The following ADCY10 variants were observed in gnomAD, a reference collection of about 807,000 sequenced individuals.
ADCY10 encodes the protein adenylate cyclase 10.
A neutral mutation model predicts 183.3 loss-of-function variants in ADCY10; 156 were observed. The ratio of observed to expected loss-of-function variants is 0.85; its 90% CI spans 0.75 to 0.97. The LOEUF is 0.97. Among genes scored for constraint, ADCY10 ranks in the 50% least tolerant of loss-of-function variants. The pLI is 0.00. For synonymous variants in ADCY10, 645 were observed against 670.0 expected, an observed-to-expected ratio of 0.96 and a Z score of 0.58; for missense variants, 1,745 against 1,934.3, an observed-to-expected ratio of 0.90 and a Z score of 1.84.
intron 14 of ADCY10, among the ~76,000 whole-genome samples, chr1:167,865,810 G>T (rs1666636749): frequency 6.6e-6 from 1 of 152,212 alleles, no homozygotes; most frequent in South Asian, 2.1e-4. Flanking sequence ...CACATGGCAG[G>T]CCAGAGGCCC....
intron 9 of ADCY10, among the ~76,000 whole-genome samples, chr1:167,882,356 A>C (rs1667920673): frequency 6.6e-6 from 1 of 151,952 alleles, no homozygotes; most frequent in Non-Finnish European, 1.5e-5. Flanking sequence ...GTGGTGGCGC[A>C]TGCCTGTAAT....
intron 25 of ADCY10, among the ~76,000 whole-genome samples, chr1:167,830,632 G>A (rs1663651585): frequency 6.6e-6 from 1 of 152,186 alleles, no homozygotes; most frequent in Non-Finnish European, 1.5e-5. Context: ...GACCTCAGGT[G>A]ATCCGCCTGC....
intron 13 of ADCY10, among the ~76,000 whole-genome samples, chr1:167,874,633 G>A (rs1667326226): frequency 6.6e-6 from 1 of 152,140 alleles, no homozygotes; most frequent in Non-Finnish European, 1.5e-5. Context: ...CAACAGAAAT[G>A]CATACATGCA....
intron 28 of ADCY10, among the ~76,000 whole-genome samples, chr1:167,823,982 G>A (rs140934167): frequency 1.4e-4 from 22 of 152,280 alleles, no homozygotes; most frequent in African/African-American, 5.1e-4. Flanking sequence ...ACTGGCCAGA[G>A]CAACCAGATT....
chr1:167,833,299 G>T, intron 24 of ADCY10, 137 bp from the exon 25 acceptor site: 1 of 808,524 alleles, frequency 1.2e-6, no homozygotes, highest in Non-Finnish European at 2.1e-6. Flanking sequence ...ATCTTCCTGT[G>T]CCTGGCATAA....
intron 22 of ADCY10, chr1:167,836,916 T>G (rs1305709024): frequency 5.5e-6 from 2 of 360,830 alleles, no homozygotes; most frequent in African/African-American, 4.2e-5. Flanking sequence ...TCCCAGTTAT[T>G]CAGGAGGCTG....
chr1:167,874,914 C>T (rs1667347812), intron 13 of ADCY10, among the ~76,000 whole-genome samples: 2 of 152,090 alleles, frequency 1.3e-5, no homozygotes, highest in African/African-American at 4.8e-5. Flanking sequence ...ATTTTTTAAA[C>T]AGGCATAAGT....
At chr1:167,836,708 G>A (rs1364828060) in intron 22 of ADCY10, among the ~76,000 whole-genome samples, 168 bp from the exon 23 acceptor site, 1 of 152,024 alleles carries the variant, frequency 6.6e-6, no homozygotes, top group Admixed American at 6.6e-5. Flanking sequence ...TGGCCAACCT[G>A]GTGAAACCCC....
chr1:167,911,565 G>A (rs967139187), intron 1 of ADCY10, among the ~76,000 whole-genome samples: 1 of 152,144 alleles, frequency 6.6e-6, no homozygotes, highest in African/African-American at 2.4e-5. Context: ...TAGCCGATCG[G>A]GACAAATACA....
chr1:167,818,620 C>A (rs185977725), intron 30 of ADCY10, among the ~76,000 whole-genome samples: 2 of 152,296 alleles, frequency 1.3e-5, no homozygotes, highest in African/African-American at 4.8e-5. Flanking sequence ...TTACTGCAAC[C>A]TCTGCCTCCT....
At chr1:167,859,775 C>A (rs376230021) in intron 16 of ADCY10, 32 bp downstream of exon 16, 1 of 1,534,544 alleles carries the variant, frequency 6.5e-7, no homozygotes. Flanking sequence ...CAGTTTTCTT[C>A]CCCCTACTTC....
At chr1:167,854,085 T>C (rs1665701335) in intron 18 of ADCY10, among the ~76,000 whole-genome samples, 1 of 152,086 alleles carries the variant, frequency 6.6e-6, no homozygotes, top group African/African-American at 2.4e-5. Flanking sequence ...GTGATCTGCC[T>C]GCCTCGGGCT....
intron 16 of ADCY10, 98 bp downstream of exon 16, chr1:167,859,708 GC>G: frequency 1.1e-6 from 1 of 879,666 alleles, no homozygotes; most frequent in Non-Finnish European, 2.0e-6. Flanking sequence ...TCCTTCAAAA[GC>G]CTCTTGCCAA....
intron 3 of ADCY10, among the ~76,000 whole-genome samples, chr1:167,902,668 C>A (rs971638195): frequency 6.6e-6 from 1 of 152,158 alleles, no homozygotes; most frequent in African/African-American, 2.4e-5. Context: ...TAAATTTTGT[C>A]TAGTGGGTAA....
chr1:167,833,001 C>G lies in ADCY10; in HGVS notation c.3579G>C (p.Glu1193Asp). 6.2e-7 allele frequency: 1 copy of G among 1,613,878 alleles called. No individual in the cohort carries two copies. The highest frequency in any genetic ancestry group is 1.1e-5 in the South Asian group (1 of 91,056). ...HFHYVNRQAQ[E>D]SPPPGKKRLA... ...CCTTCCCTTACCCTGGAGGTGGGCT[C>G]TCTTGGGCCTGCCGATTCACATAAT... Residue 1193 changes from glutamate (E) to aspartate (D), a missense_variant, in exon 25 of 33, where the codon GAG (glutamate) becomes GAC (aspartate). Glu to Asp is a conservative substitution (Grantham distance 45). Coordinates refer to ENST00000367851, the MANE Select transcript of ADCY10 (RefSeq NM_018417.6).
At chr1:167,874,447 A>T (rs1356415821) in intron 13 of ADCY10, among the ~76,000 whole-genome samples, 1 of 152,256 alleles carries the variant, frequency 6.6e-6, no homozygotes, top group African/African-American at 2.4e-5. Context: ...TACACCCAAC[A>T]GAATTATTGA....
At chr1:167,810,486 A>T (rs543811027) in intron 32 of ADCY10, among the ~76,000 whole-genome samples, 1 of 152,310 alleles carries the variant, frequency 6.6e-6, no homozygotes, top group African/African-American at 2.4e-5. Context: ...ACATGTGAGG[A>T]CACAGCAAAA....
chr1:167,810,954 A>G, intron 31 of ADCY10, 41 bp from the exon 32 acceptor site: 2 of 1,582,172 alleles, frequency 1.3e-6, no homozygotes, highest in Middle Eastern at 1.7e-4. Flanking sequence ...AGAATTAAAC[A>G]GGGGTCCTTG....
intron 5 of ADCY10, among the ~76,000 whole-genome samples, chr1:167,900,617 C>T (rs1193308495): frequency 1.3e-5 from 2 of 152,092 alleles, no homozygotes; most frequent in African/African-American, 4.8e-5. Flanking sequence ...ACTGCAACCT[C>T]CGCCTCCTGG....
Sources: allele counts gnomAD v4.1 joint callset (sites outside exome capture counted in the v4.1 genomes callset), GRCh38; gene constraint gnomAD v4.1.1; transcripts MANE v1.5; gene names NCBI Gene and HGNC (gene_info 2026-07-23, HGNC 2026-07-21).